The following THNSL1 variants were observed in gnomAD, a reference collection of about 807,000 sequenced individuals.
The protein encoded by THNSL1 is threonine synthase like 1.
THNSL1 carries 48 observed loss-of-function variants against 50.4 expected under a neutral mutation model. That is an observed-to-expected ratio of 0.95 (90% CI 0.76 to 1.21). THNSL1 has a LOEUF of 1.21. Ranked by LOEUF, THNSL1 falls within the 50% of genes most tolerant of loss-of-function variation. The pLI is 0.00. For missense variants in THNSL1, 896 were observed against 871.7 expected, an observed-to-expected ratio of 1.03 and a Z score of -0.35; for synonymous variants, 309 against 306.1, an observed-to-expected ratio of 1.01 and a Z score of -0.10.
chr10:24,978,797 T>A, the THNSL1 span, among the ~76,000 whole-genome samples: 38 of 152,146 alleles, frequency 2.5e-4, no homozygotes, highest in Middle Eastern at 3.2e-3. Context: ...TGCAGTAACT[T>A]GAAATAGTCT....
chr10:24,976,438 G>A, the THNSL1 span, among the ~76,000 whole-genome samples: 213 of 152,148 alleles, frequency 1.4e-3, 3 homozygotes, highest in African/African-American at 4.8e-3. Flanking sequence ...AGCCTAACTC[G>A]TCTATCTCAC....
Position 25,025,745 on chromosome 10 carries a change from T to C in THNSL1, c.*290T>C, listed in dbSNP as rs1310728868. 5 of 312,904 alleles carry C rather than the reference T, an allele frequency of 1.6e-5. No homozygotes were observed. Among genetic ancestry groups the C allele is most frequent in the Admixed American group, 9.3e-5 (2 of 21,596 alleles). 19.4% of individuals were successfully genotyped at this position (312,904 alleles called of 1,614,324 possible). On this transcript the variant is annotated 3_prime_UTR_variant, in exon 3 of 3. Coordinates refer to ENST00000376356, the MANE Select transcript of THNSL1 (RefSeq NM_024838.5). Reference sequence around the variant, plus strand: ...TTCCACTCCCACACCCTCACTGTTATGTGGACCAAAATGTCTGGTATACTA... The same window carrying C: ...TTCCACTCCCACACCCTCACTGTTACGTGGACCAAAATGTCTGGTATACTA...
rs12256642 is a variant in THNSL1 at position 25,025,708 on chromosome 10, G to C, written c.*253G>C. ...CATACTTTTGCCTTCTGCTCATGAG[G>C]GGTGTATCAATTTCCACTCCCACAC... On this transcript the variant is annotated 3_prime_UTR_variant, in exon 3 of 3. Coordinates refer to ENST00000376356, the MANE Select transcript of THNSL1 (RefSeq NM_024838.5). The C allele has an allele frequency of 0.29, 122,396 of 418,074 alleles. 20,053 individuals carry two copies. Among genetic ancestry groups the C allele is most frequent in the East Asian group, 0.52 (12,635 of 24,468 alleles). The allele number at this position is 418,074 out of a possible 1,614,324, so 25.9% of individuals were successfully genotyped here. A position where few individuals can be genotyped will look rare whatever the true frequency, so the allele number is the denominator to read the frequency against.
At chr10:24,987,350 A>G in the THNSL1 span, among the ~76,000 whole-genome samples, 1 of 151,944 alleles carries the variant, frequency 6.6e-6, no homozygotes. Flanking sequence ...TCCTTCATAA[A>G]TTCTCTTCAG....
the THNSL1 span, among the ~76,000 whole-genome samples, chr10:24,966,520 C>A: frequency 6.6e-6 from 1 of 152,160 alleles, no homozygotes; most frequent in Admixed American, 6.5e-5. Context: ...AGCCTGGTGC[C>A]CCAACACCGT....
the THNSL1 span, among the ~76,000 whole-genome samples, chr10:24,989,121 C>T: frequency 6.6e-6 from 1 of 152,128 alleles, no homozygotes; most frequent in African/African-American, 2.4e-5. Context: ...TTTTCAGCAT[C>T]ATTTAGGTGT....
chr10:24,989,689 TG>T, the THNSL1 span, among the ~76,000 whole-genome samples: 2 of 152,236 alleles, frequency 1.3e-5, no homozygotes, highest in African/African-American at 4.8e-5. Context: ...GTTCAGAAGT[TG>T]TAACAGCATA....
At chr10:24,975,494 T>G in the THNSL1 span, among the ~76,000 whole-genome samples, 1 of 152,298 alleles carries the variant, frequency 6.6e-6, no homozygotes, top group East Asian at 1.9e-4. Flanking sequence ...TGAATTGTAA[T>G]CTCCAGGTGT....
At chr10:24,978,011 ATTC>A in the THNSL1 span, among the ~76,000 whole-genome samples, 1 of 152,174 alleles carries the variant, frequency 6.6e-6, no homozygotes. Context: ...CTACCCATCT[ATTC>A]TTGTTTCCTA....
chr10:24,985,678 G>A, the THNSL1 span, among the ~76,000 whole-genome samples: 1 of 152,152 alleles, frequency 6.6e-6, no homozygotes, highest in Non-Finnish European at 1.5e-5. Context: ...TTATCACAGT[G>A]CCCTATGGGC....
At chr10:25,002,584 A>G in the THNSL1 span, among the ~76,000 whole-genome samples, 1 of 152,050 alleles carries the variant, frequency 6.6e-6, no homozygotes. Context: ...CTGTTGTTTC[A>G]TATATTTTTT....
chr10:24,961,820 C>T, the THNSL1 span, among the ~76,000 whole-genome samples: 1 of 152,166 alleles, frequency 6.6e-6, no homozygotes, highest in East Asian at 1.9e-4. Flanking sequence ...TTGGCTCCAA[C>T]TCAGGCAGAC....
intron 1 of THNSL1, among the ~76,000 whole-genome samples, chr10:25,020,934 T>G (rs982644463): frequency 2.0e-5 from 3 of 152,220 alleles, no homozygotes; most frequent in Non-Finnish European, 2.9e-5. Flanking sequence ...GTTTGTGCTT[T>G]TAAAGTCCAG....
intron 1 of THNSL1, among the ~76,000 whole-genome samples, chr10:25,018,898 TA>T: frequency 6.6e-6 from 1 of 152,174 alleles, no homozygotes; most frequent in East Asian, 1.9e-4. Flanking sequence ...TCAGCTTTGA[TA>T]GTAATATAAA....
At position 25,016,688 on chromosome 10, in the gene THNSL1, T is replaced by C. The variant is rs1850588384; in HGVS notation, c.-220T>C. ...GCGGGGGCGGGACCGGGGAGCTAGCTGCAGGTACGGTGCTCCGTCTCCTGT... is the reference window on the plus strand; with the variant it reads ...GCGGGGGCGGGACCGGGGAGCTAGCCGCAGGTACGGTGCTCCGTCTCCTGT... On this transcript the variant is annotated 5_prime_UTR_variant, in exon 1 of 3. Coordinates refer to ENST00000376356, the MANE Select transcript of THNSL1 (RefSeq NM_024838.5). 6.6e-6 allele frequency: 1 copy of C among 152,350 alleles called. No homozygotes were observed. The highest frequency in any genetic ancestry group is 2.4e-5 in the African/African-American group (1 of 41,468). The allele number at this position is 152,350 out of a possible 1,614,324, so 9.4% of individuals were successfully genotyped here.
the THNSL1 span, chr10:24,984,686 G>C: frequency 6.7e-7 from 1 of 1,502,646 alleles, no homozygotes; most frequent in Non-Finnish European, 9.0e-7. Context: ...TATTTTCCAT[G>C]TTTTTTTCCC....
chr10:25,002,254 G>A, the THNSL1 span, among the ~76,000 whole-genome samples: 9 of 152,160 alleles, frequency 5.9e-5, no homozygotes, highest in African/African-American at 2.2e-4. Context: ...CTTGGCCTTG[G>A]TTGTTTCATT....
At chr10:25,009,814 G>C in the THNSL1 span, among the ~76,000 whole-genome samples, 2 of 149,834 alleles carry the variant, frequency 1.3e-5, no homozygotes, top group Non-Finnish European at 2.9e-5. Flanking sequence ...ACACACTCTC[G>C]TTTCCCACTA....
At chr10:24,957,988 T>G in the THNSL1 span, among the ~76,000 whole-genome samples, 1 of 152,210 alleles carries the variant, frequency 6.6e-6, no homozygotes, top group East Asian at 1.9e-4. Context: ...TATACTAATT[T>G]TTTTTTGACA....
Sources: allele counts gnomAD v4.1 joint callset (sites outside exome capture counted in the v4.1 genomes callset), GRCh38; gene constraint gnomAD v4.1.1; transcripts MANE v1.5; gene names NCBI Gene and HGNC (gene_info 2026-07-23, HGNC 2026-07-21).